Variants in GSE1 observed in about 807,000 individuals in gnomAD.
GSE1 encodes the protein Gse1 coiled-coil protein, also known as genetic suppressor element 1.
Under a neutral mutation model 112.6 loss-of-function variants are expected in GSE1, and 32 were observed. The ratio of observed to expected loss-of-function variants is 0.28; its 90% CI spans 0.21 to 0.38. The LOEUF is 0.38. GSE1 is among the 10% of genes least tolerant of loss of function. GSE1 has a pLI of 1.00. For synonymous variants in GSE1, 1,115 were observed against 735.6 expected (o/e 1.52, Z -8.35); for missense variants, 2,348 against 1,699.2 (o/e 1.38, Z -6.71).
At chr16:85,540,040 T>C (rs190605354) in intron 2 of GSE1, among the ~76,000 whole-genome samples, 1 of 152,382 alleles carries the variant, frequency 6.6e-6, no homozygotes, top group African/African-American at 2.4e-5. Flanking sequence ...TACAGGTGCC[T>C]ATAATTCCAG....
chr16:85,546,066 G>C (rs1013244345), intron 2 of GSE1, among the ~76,000 whole-genome samples: 1 of 151,542 alleles, frequency 6.6e-6, no homozygotes, highest in African/African-American at 2.4e-5. Flanking sequence ...ATTACAGGCG[G>C]GAGCCGCCGC....
At chr16:85,182,852 C>T (rs2074618915) in intron 1 of GSE1, among the ~76,000 whole-genome samples, 1 of 152,052 alleles carries the variant, frequency 6.6e-6, no homozygotes, top group Non-Finnish European at 1.5e-5. Flanking sequence ...AGTTTTGCCC[C>T]CACCACTCCT....
chr16:85,514,977 ATGTT>A (rs2051879036), intron 2 of GSE1, among the ~76,000 whole-genome samples: 1 of 152,026 alleles, frequency 6.6e-6, no homozygotes, highest in Non-Finnish European at 1.5e-5. Context: ...GCGTGCATGC[ATGTT>A]TGTGTGTGTG....
intron 2 of GSE1, among the ~76,000 whole-genome samples, chr16:85,496,668 G>A (rs1025933990): frequency 2.0e-5 from 3 of 152,216 alleles, no homozygotes; most frequent in Non-Finnish European, 4.4e-5. Flanking sequence ...TATAGAGAGC[G>A]CTCAGGAAGA....
Position 85,672,476 on chromosome 16 carries a change from A to T in GSE1, c.3591A>T (p.Arg1197=). The stretch of plus-strand genomic sequence containing the variant: ...TCCAGGCAGAACTGGACCACTTACG[A>T]AAGTGCCTTGCCTTGCCTGCAATGC... ...ERLQAELDHL[R]KCLALPAMHW... The change falls in exon 16 of 16, where the codon CGA becomes CGT. Residue 1197 remains arginine (R), a synonymous_variant. Coordinates refer to ENST00000253458, the MANE Select transcript of GSE1 (RefSeq NM_014615.5). The T allele has an allele frequency of 1.9e-6, 3 of 1,611,878 alleles. No homozygotes were observed. The highest frequency in any genetic ancestry group is 1.7e-5 in the Admixed American group (1 of 59,980).
At chr16:85,630,677 A>T (rs1390959874) in intron 1 of GSE1, among the ~76,000 whole-genome samples, 1 of 152,148 alleles carries the variant, frequency 6.6e-6, no homozygotes, top group Non-Finnish European at 1.5e-5. Context: ...CGCACATGTG[A>T]CCATTCACGC....
At chr16:85,206,734 C>A (rs996679341) in intron 1 of GSE1, among the ~76,000 whole-genome samples, 2 of 151,786 alleles carry the variant, frequency 1.3e-5, no homozygotes, top group African/African-American at 2.4e-5. Flanking sequence ...AATCTCCCAG[C>A]GCCTCTTGGA....
chr16:85,605,623 G>A (rs984362043), intron 1 of GSE1, among the ~76,000 whole-genome samples: 5 of 151,888 alleles, frequency 3.3e-5, no homozygotes, highest in African/African-American at 1.2e-4. Context: ...TGCCCAGTCC[G>A]GCAGCTTGAC....
chr16:85,631,744 T>C (rs1369056545), intron 1 of GSE1, among the ~76,000 whole-genome samples: 1 of 152,246 alleles, frequency 6.6e-6, no homozygotes, highest in African/African-American at 2.4e-5. Flanking sequence ...TTTGCTGTGC[T>C]GTTACCCCGT....
intron 1 of GSE1, among the ~76,000 whole-genome samples, chr16:85,598,876 G>T (rs1432365825): frequency 6.6e-6 from 1 of 152,202 alleles, no homozygotes; most frequent in Non-Finnish European, 1.5e-5. Flanking sequence ...GGGACCTGTG[G>T]TCTGTGATCA....
At chr16:85,346,350 G>T (rs1240682440) in intron 1 of GSE1, among the ~76,000 whole-genome samples, 1 of 150,650 alleles carries the variant, frequency 6.6e-6, no homozygotes, top group Non-Finnish European at 1.5e-5. Context: ...TAGATGGATG[G>T]TGGACGAGTG....
intron 1 of GSE1, among the ~76,000 whole-genome samples, chr16:85,257,194 C>T (rs781303883): frequency 1.4e-4 from 21 of 152,278 alleles, no homozygotes; most frequent in Non-Finnish European, 2.9e-4. Flanking sequence ...CTGCAACCTC[C>T]ACCTCCTGGG....
chr16:85,449,503 A>C (rs2049611266), intron 2 of GSE1, among the ~76,000 whole-genome samples: 1 of 152,240 alleles, frequency 6.6e-6, no homozygotes, highest in South Asian at 2.1e-4. Flanking sequence ...GTCACCTGAG[A>C]ATCCAATTTC....
chr16:85,626,652 G>A (rs1372271278), intron 1 of GSE1, among the ~76,000 whole-genome samples: 1 of 152,182 alleles, frequency 6.6e-6, no homozygotes, highest in East Asian at 1.9e-4. Flanking sequence ...GCTTGAACCG[G>A]GACCCAGCAG....
intron 1 of GSE1, among the ~76,000 whole-genome samples, chr16:85,596,535 T>C (rs1296162645): frequency 1.3e-5 from 2 of 152,238 alleles, no homozygotes; most frequent in African/African-American, 4.8e-5. Context: ...TCATAAACGT[T>C]GGCTCAGAAA....
intron 1 of GSE1, among the ~76,000 whole-genome samples, chr16:85,235,567 G>A (rs1313594618): frequency 1.7e-5 from 1 of 58,954 alleles, no homozygotes; most frequent in Admixed American, 1.6e-4. Flanking sequence ...CTATATGTGT[G>A]TGTGTGGGTG....
rs150693031 is a variant in GSE1, at chr16:85,653,909, T to C, written c.427-369T>C. ...GTGTCTGCTTCCCCGGGTGTGTGTC[T>C]GGTGTGACCTTCGGATGTCCACACC... On this transcript the variant is annotated intron_variant, in intron 3 of 15. Coordinates refer to ENST00000253458, the MANE Select transcript of GSE1 (RefSeq NM_014615.5). Among the ~76,000 whole-genome samples the C allele has an allele frequency of 1.8e-4, 28 of 152,280 alleles. No individual in the cohort carries two copies. In the East Asian group the frequency reaches 5.4e-3, roughly 29 times the overall value.
intron 1 of GSE1, among the ~76,000 whole-genome samples, chr16:85,273,837 C>T (rs1389002645): frequency 6.6e-6 from 1 of 151,532 alleles, no homozygotes; most frequent in Non-Finnish European, 1.5e-5. Flanking sequence ...TTACAGGTAC[C>T]TGCCACGACA....
chr16:85,376,969 G>A (rs1335854081), intron 2 of GSE1, among the ~76,000 whole-genome samples: 2 of 152,240 alleles, frequency 1.3e-5, no homozygotes, highest in African/African-American at 4.8e-5. Flanking sequence ...GTGCAGTCGC[G>A]GGTGGCCGTT....
Sources: allele counts gnomAD v4.1 joint callset (sites outside exome capture counted in the v4.1 genomes callset), GRCh38; gene constraint gnomAD v4.1.1; transcripts MANE v1.5; gene names NCBI Gene and HGNC (gene_info 2026-07-23, HGNC 2026-07-21).